Variants in JAM3 observed in about 807,000 individuals in gnomAD.
JAM3 encodes junctional adhesion molecule 3.
Under a neutral mutation model 39.4 loss-of-function variants are expected in JAM3, and 31 were observed. That is an observed-to-expected ratio of 0.79 (90% CI 0.59 to 1.06). The LOEUF is 1.06. Ranked by LOEUF, JAM3 falls within the 50% of genes least tolerant of loss-of-function variation. The pLI is 0.00. For synonymous variants in JAM3, 182 were observed against 148.7 expected (o/e 1.22, Z -1.63); for missense variants, 455 against 391.4 (o/e 1.16, Z -1.37).
At chr11:134,105,244 G>T (rs1324328941) in intron 1 of JAM3, among the ~76,000 whole-genome samples, 1 of 152,192 alleles carries the variant, frequency 6.6e-6, no homozygotes, top group East Asian at 1.9e-4. Flanking sequence ...CAGAACCAAA[G>T]ACAAAAACCA....
chr11:134,145,095 A>G, intron 5 of JAM3, 101 bp downstream of exon 5: 1 of 988,684 alleles, frequency 1.0e-6, no homozygotes, highest in Non-Finnish European at 1.6e-6. Context: ...ACTTCTTGAT[A>G]AGACAGGAGT....
chr11:134,151,531 G>C lies in JAM3; in HGVS notation c.*2350G>C, dbSNP rs1591813744. On this transcript the variant is annotated 3_prime_UTR_variant, in exon 9 of 9. Transcript: ENST00000299106. ...CAGGTCTGAAAAAGTAGAGAGAAGT[G>C]AAAGTAGAGTCTGGGAAGTAGCTGC... The C allele has an allele frequency of 6.6e-6, 1 of 152,194 alleles. No individual in the cohort carries two copies. The highest frequency in any genetic ancestry group is 1.5e-5 in the Non-Finnish European group (1 of 68,050). The allele number at this position is 152,194 out of a possible 1,614,324, so 9.4% of individuals were successfully genotyped here.
intron 3 of JAM3, among the ~76,000 whole-genome samples, chr11:134,140,974 G>A (rs923722317): frequency 2.0e-5 from 3 of 151,574 alleles, no homozygotes; most frequent in Admixed American, 2.0e-4. Flanking sequence ...CCCTGTCCCT[G>A]TCCCCCAGCA....
chr11:134,149,184 C>T lies in JAM3; in HGVS notation c.*3C>T. ...ACAAGTCATCGTTTGTGATCTGAGA[C>T]CCGCGGTGTGGCTGAGAGCGCACAG... On this transcript the variant is annotated 3_prime_UTR_variant, in exon 9 of 9. Coordinates refer to ENST00000299106, the MANE Select transcript of JAM3 (RefSeq NM_032801.5). The T allele has an allele frequency of 1.2e-6, 2 of 1,614,006 alleles. No homozygotes were observed.
intron 1 of JAM3, among the ~76,000 whole-genome samples, chr11:134,124,756 T>G (rs964792526): frequency 5.9e-5 from 9 of 152,106 alleles, no homozygotes; most frequent in Admixed American, 2.0e-4. Flanking sequence ...CCGGTCGGTG[T>G]GTCCAGGAGT....
At chr11:134,105,383 C>T (rs1006091756) in intron 1 of JAM3, among the ~76,000 whole-genome samples, 2 of 152,030 alleles carry the variant, frequency 1.3e-5, no homozygotes, top group Admixed American at 1.3e-4. Context: ...TATGACAAAC[C>T]CACAGCCAAT....
chr11:134,125,441 A>T (rs1354243291), intron 1 of JAM3, among the ~76,000 whole-genome samples: 1 of 151,988 alleles, frequency 6.6e-6, no homozygotes, highest in Admixed American at 6.5e-5. Flanking sequence ...TTCCCACTTT[A>T]TTTGTTGCTT....
chr11:134,124,149 ATTCC>A lies in JAM3; in HGVS notation c.77-15698_77-15695del. ...ATCAAATGGCCAATCTAGAAGGTGGATTCCTTCTTTTTCAACTGGAGCTTTATCA... is the reference window on the plus strand; with the variant it reads ...ATCAAATGGCCAATCTAGAAGGTGGATTCTTTTTCAACTGGAGCTTTATCA... On this transcript the variant is annotated intron_variant, in intron 1 of 8. Transcript: ENST00000299106. 4 of 1,462,666 alleles carry A rather than the reference ATTCC, an allele frequency of 2.7e-6. No homozygotes were observed. In the South Asian group the frequency reaches 4.5e-5, roughly 17 times the overall value. 90.6% of individuals were successfully genotyped at this position (1,462,666 alleles called of 1,614,324 possible).
chr11:134,109,523 T>C (rs969232811), intron 1 of JAM3, among the ~76,000 whole-genome samples: 4 of 152,244 alleles, frequency 2.6e-5, no homozygotes, highest in East Asian at 1.9e-4. Context: ...TTATCAACTA[T>C]GGCTGCTGTA....
intron 1 of JAM3, among the ~76,000 whole-genome samples, chr11:134,117,708 C>T (rs974316510): frequency 6.6e-5 from 10 of 152,136 alleles, no homozygotes; most frequent in Non-Finnish European, 1.5e-4. Context: ...TGAAACAAAG[C>T]AAACGAATAA....
intron 8 of JAM3, 60 bp downstream of exon 8, chr11:134,148,878 C>A: frequency 6.4e-7 from 1 of 1,555,162 alleles, no homozygotes; most frequent in Non-Finnish European, 8.9e-7. Context: ...AACATTCCCC[C>A]TTGGAAACCA....
intron 1 of JAM3, chr11:134,070,174 T>G (rs1464344860): frequency 2.2e-6 from 1 of 456,084 alleles, no homozygotes; most frequent in Non-Finnish European, 4.4e-6. Context: ...ATTTTCAGAG[T>G]CAAGTCTAGT....
chr11:134,112,608 A>T (rs1419886444), intron 1 of JAM3, among the ~76,000 whole-genome samples: 1 of 152,164 alleles, frequency 6.6e-6, no homozygotes, highest in Non-Finnish European at 1.5e-5. Flanking sequence ...CCTTACCAAC[A>T]CTGAACTTTT....
At chr11:134,113,604 TG>T (rs1388103828) in intron 1 of JAM3, among the ~76,000 whole-genome samples, 3 of 152,236 alleles carry the variant, frequency 2.0e-5, no homozygotes, top group Non-Finnish European at 4.4e-5. Flanking sequence ...AATGGACATT[TG>T]GGTTGGTTCC....
Position 134,145,071 on chromosome 11 carries a change from G to C in JAM3, c.612+77G>C, listed in dbSNP as rs989667640. On this transcript the variant is annotated intron_variant, in intron 5 of 8. Coordinates refer to ENST00000299106, the MANE Select transcript of JAM3 (RefSeq NM_032801.5). ...GATGCTTATTGTGAAAAGAAGATTAGGAGAGATACTGAAACTTCTTGATAA... is the reference window on the plus strand; with the variant it reads ...GATGCTTATTGTGAAAAGAAGATTACGAGAGATACTGAAACTTCTTGATAA... The C allele has an allele frequency of 1.5e-5, 18 of 1,224,516 alleles. No homozygotes were observed. The African/African-American group carries it at 2.2e-4, about 15-fold the overall frequency. The allele number at this position is 1,224,516 out of a possible 1,614,324, so 75.9% of individuals were successfully genotyped here.
intron 1 of JAM3, among the ~76,000 whole-genome samples, chr11:134,118,296 C>T (rs148168156): frequency 1.0e-3 from 157 of 152,274 alleles, no homozygotes; most frequent in African/African-American, 3.7e-3. Flanking sequence ...ATTGGTCTGA[C>T]TGGTCTGCAG....
intron 1 of JAM3, among the ~76,000 whole-genome samples, chr11:134,127,139 T>C (rs746418188): frequency 9.2e-5 from 14 of 152,174 alleles, no homozygotes; most frequent in Non-Finnish European, 1.6e-4. Context: ...CAGAATGTAA[T>C]AGAAAGAGTG....
chr11:134,145,473 G>C (rs1591808728), intron 5 of JAM3: 2 of 322,866 alleles, frequency 6.2e-6, no homozygotes, highest in Non-Finnish European at 1.2e-5. Context: ...GGGAGGTGGG[G>C]GAGGAGAGGA....
chr11:134,073,249 TC>T (rs1941511798), intron 1 of JAM3, among the ~76,000 whole-genome samples: 1 of 152,228 alleles, frequency 6.6e-6, no homozygotes, highest in Non-Finnish European at 1.5e-5. Flanking sequence ...TTGGTGTGTT[TC>T]TTTTGGTTTT....
Sources: gnomAD v4.1 joint callset for allele counts (sites outside exome capture counted in the v4.1 genomes callset) on GRCh38, gnomAD v4.1.1 for gene constraint, MANE v1.5 for transcripts, NCBI Gene and HGNC (gene_info 2026-07-23, HGNC 2026-07-21) for gene names.